Variants in SYNE2 observed in about 807,000 individuals in gnomAD.
SYNE2 encodes nesprin-2.
SYNE2 carries 431 observed loss-of-function variants against 856.3 expected under a neutral mutation model. The ratio of observed to expected loss-of-function variants is 0.50; its 90% CI spans 0.47 to 0.55. SYNE2 has a LOEUF of 0.55. SYNE2 is among the 20% of genes least tolerant of loss of function. The pLI, the probability that SYNE2 is intolerant of heterozygous loss-of-function variation, is 0.00. For missense variants in SYNE2, 8,129 were observed against 8,023.2 expected (o/e 1.01, Z -0.50); for synonymous variants, 2,923 against 2,872.3 (o/e 1.02, Z -0.56).
chr14:64,005,327 G>A (rs548814772), intron 30 of SYNE2, among the ~76,000 whole-genome samples: 1 of 152,350 alleles, frequency 6.6e-6, no homozygotes, highest in South Asian at 2.1e-4. Flanking sequence ...ATCCCTGGTA[G>A]GGATGAAGCT....
At chr14:64,130,361 A>G (rs941564849) in intron 76 of SYNE2, 113 bp downstream of exon 76, 5 of 981,580 alleles carry the variant, frequency 5.1e-6, no homozygotes, top group African/African-American at 4.8e-5. Flanking sequence ...TAAGCTATTC[A>G]TTCTTTTAAT....
chr14:64,065,397 A>G (rs779343552), intron 50 of SYNE2, 35 bp from the exon 51 acceptor site: 96 of 1,571,388 alleles, frequency 6.1e-5, no homozygotes, highest in Non-Finnish European at 8.0e-5. Flanking sequence ...CCATAATAGT[A>G]TGTCCCTCTT....
At chr14:63,785,831 C>T (rs1887501905) in intron 1 of SYNE2, among the ~76,000 whole-genome samples, 1 of 152,168 alleles carries the variant, frequency 6.6e-6, no homozygotes, top group Admixed American at 6.5e-5. Context: ...ACAGCACAGG[C>T]ATGGTGGCTC....
At chr14:64,150,414 T>C (rs1595857412) in intron 84 of SYNE2, among the ~76,000 whole-genome samples, 1 of 150,670 alleles carries the variant, frequency 6.6e-6, no homozygotes, top group African/African-American at 2.4e-5. Context: ...AACGGCAGAG[T>C]TTTGTCATGT....
At position 64,001,080 on chromosome 14, in the gene SYNE2, A is replaced by G. The variant is rs1007109879; in HGVS notation, c.3638+361A>G. On this transcript the variant is annotated intron_variant, in intron 28 of 115. Coordinates refer to ENST00000555002, the MANE Select transcript of SYNE2 (RefSeq NM_182914.3). ...TTTCTGAAATGAGAGTGTTATTAGG[A>G]CCTTGTATACATAGGTTGTGTATCC... Among the ~76,000 whole-genome samples, 8 of 152,198 alleles carry G rather than the reference A, an allele frequency of 5.3e-5. No homozygotes were observed. The East Asian group carries it at 1.4e-3, about 26-fold the overall frequency.
chr14:63,779,429 T>C (rs1887226465), intron 1 of SYNE2, among the ~76,000 whole-genome samples: 1 of 135,226 alleles, frequency 7.4e-6, no homozygotes, highest in Non-Finnish European at 1.6e-5. Context: ...CTACTGCGCT[T>C]GACTGGTCTC....
At chr14:63,787,240 G>A (rs934061614) in intron 1 of SYNE2, among the ~76,000 whole-genome samples, 5 of 152,044 alleles carry the variant, frequency 3.3e-5, no homozygotes, top group Non-Finnish European at 7.4e-5. Flanking sequence ...ATTAATTATT[G>A]TTAACTATAG....
chr14:64,212,756 A>G, intron 104 of SYNE2, 55 bp from the exon 105 acceptor site: 1 of 1,528,102 alleles, frequency 6.5e-7, no homozygotes, highest in Non-Finnish European at 9.1e-7. Context: ...AGAAACAGGC[A>G]GTGGAAGCTC....
rs755549215 is a variant in SYNE2, at chr14:64,026,626, C to T, written c.6300C>T (p.Ile2100=). The change falls in exon 42 of 116, where the codon ATC becomes ATT. Residue 2100 remains isoleucine, a synonymous_variant. Coordinates refer to ENST00000555002, the MANE Select transcript of SYNE2 (RefSeq NM_182914.3). The part of the protein sequence containing the change: ...KPEGDARIET[I]MKQAESSEAP... ...AAGGGGATGCCAGAATAGAGACCAT[C>T]ATGAAGCAGGCTGAGAGCAGCGAGG... The T allele has an allele frequency of 1.2e-6, 2 of 1,613,748 alleles. No individual in the cohort carries two copies. Among genetic ancestry groups the T allele is most frequent in the East Asian group, 4.5e-5 (2 of 44,872 alleles).
intron 99 of SYNE2, among the ~76,000 whole-genome samples, chr14:64,201,287 A>C (rs1043659598): frequency 7.2e-5 from 11 of 152,110 alleles, no homozygotes; most frequent in African/African-American, 2.4e-4. Context: ...AGGTGAAAGG[A>C]CTTTCACTAA....
At chr14:63,820,700 G>C (rs1241915897) in intron 1 of SYNE2, among the ~76,000 whole-genome samples, 1 of 151,478 alleles carries the variant, frequency 6.6e-6, no homozygotes, top group Admixed American at 6.6e-5. Context: ...ATCAGTGCTT[G>C]TTTTGGGATG....
At chr14:63,762,429 C>A (rs1595087176) in intron 1 of SYNE2, among the ~76,000 whole-genome samples, 1 of 132,290 alleles carries the variant, frequency 7.6e-6, no homozygotes, top group Non-Finnish European at 1.6e-5. Flanking sequence ...GAGTGAAACT[C>A]CATCTCAAAA....
chr14:63,867,752 A>G (rs1008912800), intron 1 of SYNE2, among the ~76,000 whole-genome samples: 8 of 151,942 alleles, frequency 5.3e-5, no homozygotes, highest in Non-Finnish European at 1.5e-5. Flanking sequence ...AGAGAGAGAA[A>G]GAAAGCAAGC....
chr14:64,009,160 G>A (rs368520538), intron 31 of SYNE2, among the ~76,000 whole-genome samples: 2 of 152,104 alleles, frequency 1.3e-5, no homozygotes, highest in South Asian at 4.1e-4. Flanking sequence ...ACATGTAGTA[G>A]AAACCAGGTG....
chr14:64,210,802 A>G (rs1232256077), intron 103 of SYNE2, among the ~76,000 whole-genome samples: 2 of 152,124 alleles, frequency 1.3e-5, no homozygotes, highest in Admixed American at 1.3e-4. Context: ...TTCTAGAAAG[A>G]TGTAAATCTG....
At chr14:64,200,501 C>T (rs1015575408) in intron 99 of SYNE2, among the ~76,000 whole-genome samples, 1 of 152,110 alleles carries the variant, frequency 6.6e-6, no homozygotes, top group African/African-American at 2.4e-5. Context: ...TTTTTGGAAC[C>T]AGGGCAATCA....
chr14:63,837,347 A>G (rs570786124), intron 1 of SYNE2, among the ~76,000 whole-genome samples: 1 of 152,342 alleles, frequency 6.6e-6, no homozygotes, highest in South Asian at 2.1e-4. Flanking sequence ...AAACTCTTAG[A>G]AGAAAGCCTA....
intron 1 of SYNE2, among the ~76,000 whole-genome samples, chr14:63,875,295 A>T (rs1254429135): frequency 6.6e-6 from 1 of 152,198 alleles, no homozygotes; most frequent in Non-Finnish European, 1.5e-5. Context: ...TCATGTAATA[A>T]TGCAGCATGT....
chr14:63,965,421 A>G (rs545380667), intron 10 of SYNE2, among the ~76,000 whole-genome samples: 1 of 152,354 alleles, frequency 6.6e-6, no homozygotes, highest in South Asian at 2.1e-4. Flanking sequence ...TGGGATTTGA[A>G]TGGAAGTGTA....
Sources: allele counts gnomAD v4.1 joint callset (sites outside exome capture counted in the v4.1 genomes callset), GRCh38; gene constraint gnomAD v4.1.1; transcripts MANE v1.5; gene names NCBI Gene and HGNC (gene_info 2026-07-23, HGNC 2026-07-21).